Variants in NUF2 observed in about 807,000 individuals in gnomAD.
The protein encoded by NUF2 is kinetochore protein Nuf2.
NUF2 carries 34 observed loss-of-function variants against 61.8 expected under a neutral mutation model. That is an observed-to-expected ratio of 0.55 (90% confidence interval 0.42 to 0.73). The LOEUF is 0.73. NUF2 is among the 30% of genes least tolerant of loss of function. The pLI, the probability that NUF2 is intolerant of heterozygous loss-of-function variation, is 0.00. For synonymous variants in NUF2, 172 were observed against 181.6 expected, an observed-to-expected ratio of 0.95 and a Z score of 0.42; for missense variants, 445 against 539.1, an observed-to-expected ratio of 0.83 and a Z score of 1.73.
At chr1:163,334,868 A>G (rs2101674863) in intron 5 of NUF2, among the ~76,000 whole-genome samples, 1 of 152,320 alleles carries the variant, frequency 6.6e-6, no homozygotes, top group Admixed American at 6.5e-5. Context: ...TTCAATCCAC[A>G]GTTGGTTAAA....
At chr1:163,354,285 G>A (rs969108627) in intron 13 of NUF2, among the ~76,000 whole-genome samples, 3 of 152,080 alleles carry the variant, frequency 2.0e-5, no homozygotes, top group African/African-American at 7.2e-5. Flanking sequence ...CTATTTTTGT[G>A]TTAGGATTTA....
Position 163,347,820 on chromosome 1 carries a change from A to G in NUF2, c.1006A>G (p.Thr336Ala). The change falls in exon 12 of 14, where the codon ACT (threonine) becomes GCT (alanine). Residue 336 changes from threonine (T) to alanine (A), a missense_variant. Coordinates refer to ENST00000271452, the MANE Select transcript of NUF2 (RefSeq NM_145697.3). Reference sequence around the variant, plus strand: ...TGAGTCAGAACTGAAGAAATTGAAGACTGAAGAAAATTCGTTCAAAAGACT... The same window carrying G: ...TGAGTCAGAACTGAAGAAATTGAAGGCTGAAGAAAATTCGTTCAAAAGACT... ...SDESELKKLK[T>A]EENSFKRLMI... is the part of the protein sequence containing the mutation. 2 of 1,612,280 alleles carry G rather than the reference A, an allele frequency of 1.2e-6. No individual in the cohort carries two copies. The highest frequency in any genetic ancestry group is 8.5e-7 in the Non-Finnish European group (1 of 1,179,318).
rs575177254 is a variant in NUF2, at chr1:163,327,195, T to C, written c.124-293T>C. On this transcript the variant is annotated intron_variant, in intron 2 of 13. Transcript: ENST00000271452. ...ATGCCTGACAGCCTGTTCTGAAAGATTAACTCTTCTTCTTCTATTTCCTAA... is the reference window on the plus strand; with the variant it reads ...ATGCCTGACAGCCTGTTCTGAAAGACTAACTCTTCTTCTTCTATTTCCTAA... Among the ~76,000 whole-genome samples the C allele has an allele frequency of 2.4e-4, 37 of 152,056 alleles. No homozygotes were observed. The South Asian group carries it at 6.6e-3, about 27-fold the overall frequency.
In NUF2 at chr1:163,327,522, T is replaced by C; in HGVS notation, c.158T>C (p.Leu53Ser). ...EVLHMIYMRA[L>S]QIVYGIRLEH... is the part of the protein sequence containing the mutation. ...TTGCACATGATCTACATGAGAGCCTTACAAATAGTATATGGAATTCGACTG... is the reference window on the plus strand; with the variant it reads ...TTGCACATGATCTACATGAGAGCCTCACAAATAGTATATGGAATTCGACTG... The change falls in exon 3 of 14, where the codon TTA (leucine) becomes TCA (serine). Residue 53 changes from leucine (L) to serine (S), a missense_variant. Leu to Ser is a moderately radical substitution (Grantham distance 145). Transcript: ENST00000271452. The C allele has an allele frequency of 6.2e-7, 1 of 1,612,628 alleles. No homozygotes were observed. Among genetic ancestry groups the C allele is most frequent in the Non-Finnish European group, 8.5e-7 (1 of 1,178,804 alleles).
chr1:163,342,393 A>G (rs1650975028), intron 9 of NUF2, among the ~76,000 whole-genome samples: 1 of 152,166 alleles, frequency 6.6e-6, no homozygotes, highest in South Asian at 2.1e-4. Flanking sequence ...GATGAAAGTT[A>G]ACACTATTGT....
chr1:163,340,563 TATA>T, intron 9 of NUF2, 137 bp downstream of exon 9: 1 of 583,104 alleles, frequency 1.7e-6, no homozygotes, highest in Non-Finnish European at 3.0e-6. Context: ...TCAACTTAAA[TATA>T]ATAGATGACT....
Position 163,346,897 on chromosome 1 carries a change from C to T in NUF2, c.949-866C>T, listed in dbSNP as rs146512723. Among the ~76,000 whole-genome samples, 264 of 152,106 alleles carry T rather than the reference C, an allele frequency of 1.7e-3. 3 individuals are homozygous for T. The highest frequency in any genetic ancestry group is 3.3e-3 in the Non-Finnish European group (225 of 67,968). ...TCCAGGGTGGAATGGAGTAGGATGG[C>T]GCAAGATTTAATCACACTACTTAGA... is the stretch of plus-strand genomic sequence containing the variant. On this transcript the variant is annotated intron_variant, in intron 11 of 13. Transcript: ENST00000271452.
chr1:163,332,666 C>A (rs1481848692), intron 5 of NUF2, among the ~76,000 whole-genome samples: 1 of 152,238 alleles, frequency 6.6e-6, no homozygotes, highest in South Asian at 2.1e-4. Context: ...ATATTTAAAT[C>A]TGTTTCTACT....
intron 11 of NUF2, 67 bp downstream of exon 11, chr1:163,345,885 C>A: frequency 8.6e-7 from 1 of 1,161,344 alleles, no homozygotes; most frequent in Non-Finnish European, 1.2e-6. Context: ...TTGTATTTTG[C>A]TTTCACTTTT....
chr1:163,339,666 T>G (rs1157927725), intron 8 of NUF2, among the ~76,000 whole-genome samples, 189 bp downstream of exon 8: 1 of 152,242 alleles, frequency 6.6e-6, no homozygotes, highest in East Asian at 1.9e-4. Context: ...TGATGGTTTT[T>G]GTTGGCAAAG....
chr1:163,331,749 T>C (rs1458796484), intron 5 of NUF2, among the ~76,000 whole-genome samples: 1 of 152,028 alleles, frequency 6.6e-6, no homozygotes, highest in East Asian at 1.9e-4. Context: ...TTTAAAGGAA[T>C]TTTTAGGTTG....
At chr1:163,340,646 C>G (rs1477861935) in intron 9 of NUF2, among the ~76,000 whole-genome samples, 1 of 152,142 alleles carries the variant, frequency 6.6e-6, no homozygotes, top group Non-Finnish European at 1.5e-5. Flanking sequence ...GCTCACTATA[C>G]AATCTGATTT....
intron 3 of NUF2, among the ~76,000 whole-genome samples, 161 bp downstream of exon 3, chr1:163,327,723 A>G (rs951815235): frequency 3.3e-5 from 5 of 152,192 alleles, no homozygotes; most frequent in Non-Finnish European, 5.9e-5. Flanking sequence ...GTCACTTACA[A>G]TGGGATCTTA....
At chr1:163,337,909 A>G in intron 6 of NUF2, 111 bp from the exon 7 acceptor site, 1 of 783,718 alleles carries the variant, frequency 1.3e-6, no homozygotes, top group South Asian at 1.6e-5. Context: ...GCCTAACTCT[A>G]TCTTAAATTT....
intron 4 of NUF2, 44 bp downstream of exon 4, chr1:163,328,348 T>A: frequency 1.7e-6 from 2 of 1,199,574 alleles, no homozygotes; most frequent in South Asian, 2.7e-5. Flanking sequence ...CATTCGTATT[T>A]ATATTACATT....
At chr1:163,324,153 A>G (rs1157420119) in intron 1 of NUF2, among the ~76,000 whole-genome samples, 1 of 152,240 alleles carries the variant, frequency 6.6e-6, no homozygotes. Context: ...ATAGCCATAC[A>G]TAAAGAAATT....
At chr1:163,322,968 G>A (rs1650286071) in intron 1 of NUF2, 1 of 152,184 alleles carries the variant, frequency 6.6e-6, no homozygotes, top group Non-Finnish European at 1.5e-5. Context: ...GGATATTGGA[G>A]GAGGTTCCAA....
intron 5 of NUF2, among the ~76,000 whole-genome samples, chr1:163,331,900 G>A (rs1202370833): frequency 4.0e-5 from 6 of 151,466 alleles, no homozygotes; most frequent in Admixed American, 6.6e-5. Context: ...CTGGTTATCA[G>A]CTTATCACTT....
intron 5 of NUF2, among the ~76,000 whole-genome samples, chr1:163,336,376 G>A (rs1650759802): frequency 6.6e-6 from 1 of 152,134 alleles, no homozygotes; most frequent in Non-Finnish European, 1.5e-5. Flanking sequence ...AAACTCTTCA[G>A]TCATGGACTG....
Sources: gnomAD v4.1 joint callset for allele counts (sites outside exome capture counted in the v4.1 genomes callset) on GRCh38, gnomAD v4.1.1 for gene constraint, MANE v1.5 for transcripts, NCBI Gene and HGNC (gene_info 2026-07-23, HGNC 2026-07-21) for gene names.